Variants in FSHR observed in about 807,000 individuals in gnomAD.
The protein encoded by FSHR is follicle-stimulating hormone receptor.
A neutral mutation model predicts 52.1 loss-of-function variants in FSHR; 46 were observed. That is an observed-to-expected ratio of 0.88 (90% CI 0.70 to 1.13). The LOEUF is 1.13. Ranked by LOEUF, FSHR falls within the 50% of genes most tolerant of loss-of-function variation. The pLI is 0.00. For synonymous variants in FSHR, 399 were observed against 309.6 expected (o/e 1.29, Z -3.03); for missense variants, 964 against 834.6 (o/e 1.16, Z -1.91).
rs138281715 is a variant in FSHR, at chr2:48,963,245, A to G, written c.1576T>C (p.Leu526=). The G allele has an allele frequency of 1.4e-5, 23 of 1,614,058 alleles. No homozygotes were observed. Among genetic ancestry groups the G allele is most frequent in the Admixed American group, 1.0e-4 (6 of 60,002 alleles). ...AGGGACATGACATACAGCTGTGACA[A>G]AGGGCTGTCAATATCCATGGGCAGG... ...ICLPMDIDSP[L]SQLYVMSLLV... The change falls in exon 10 of 10, where the codon TTG becomes CTG. Residue 526 remains leucine (L), a synonymous_variant. Coordinates refer to ENST00000406846, the MANE Select transcript of FSHR (RefSeq NM_000145.4).
chr2:48,974,040 A>C (rs1032520974), intron 8 of FSHR, among the ~76,000 whole-genome samples: 1 of 152,236 alleles, frequency 6.6e-6, no homozygotes, highest in Non-Finnish European at 1.5e-5. Context: ...ATTGTAATAA[A>C]AATGAGAGGC....
intron 1 of FSHR, among the ~76,000 whole-genome samples, chr2:49,104,738 C>T (rs951284926): frequency 7.2e-5 from 11 of 151,980 alleles, no homozygotes; most frequent in East Asian, 1.9e-4. Context: ...TCTCTGATTG[C>T]CATCCTCAAT....
chr2:49,092,164 C>G (rs1444306608), intron 1 of FSHR, among the ~76,000 whole-genome samples: 1 of 152,082 alleles, frequency 6.6e-6, no homozygotes, highest in Non-Finnish European at 1.5e-5. Context: ...TTTTTGGTTT[C>G]TAATTGTTCG....
At chr2:49,139,656 G>C (rs1050933901) in intron 1 of FSHR, among the ~76,000 whole-genome samples, 1 of 149,868 alleles carries the variant, frequency 6.7e-6, no homozygotes, top group African/African-American at 2.5e-5. Flanking sequence ...GGAGTGCAGT[G>C]GCATGATCAC....
chr2:49,148,732 C>T (rs1373013107), intron 1 of FSHR, among the ~76,000 whole-genome samples: 1 of 151,896 alleles, frequency 6.6e-6, no homozygotes, highest in East Asian at 1.9e-4. Context: ...GGCTGAATTT[C>T]AAGAAACAAA....
intron 2 of FSHR, among the ~76,000 whole-genome samples, chr2:49,027,481 C>A (rs949351648): frequency 5.9e-5 from 9 of 152,264 alleles, no homozygotes; most frequent in African/African-American, 1.9e-4. Flanking sequence ...AGTGGTGCAG[C>A]TAGTCTTTGT....
At position 48,968,086 on chromosome 2, in the gene FSHR, A is replaced by G. The variant is rs75660283; in HGVS notation, c.854+612T>C. ...TGTCTATGATTACCTCACTTTTTTA[A>G]CCAGTTAGCTACTAAGACTTGTCTC... On this transcript the variant is annotated intron_variant, in intron 9 of 9. Transcript: ENST00000406846. Among the ~76,000 whole-genome samples the G allele has an allele frequency of 3.1e-3, 474 of 152,178 alleles. 6 individuals are homozygous for G. Among genetic ancestry groups the G allele is most frequent in the African/African-American group, 0.011 (459 of 41,530 alleles).
At position 49,095,505 on chromosome 2, in the gene FSHR, G is replaced by A. The variant is rs538811322; in HGVS notation, c.153-27215C>T. On this transcript the variant is annotated intron_variant, in intron 1 of 9. Coordinates refer to ENST00000406846, the MANE Select transcript of FSHR (RefSeq NM_000145.4). ...ATTGATTAAAGATCAAATTGTAAGA[G>A]CTAAAACTATAAAACTTTTTGAAGA... Among the ~76,000 whole-genome samples the A allele has an allele frequency of 4.7e-4, 71 of 152,260 alleles. 1 individual carries two copies. Among genetic ancestry groups the A allele is most frequent in the East Asian group, 7.7e-4 (4 of 5,186 alleles).
At chr2:49,076,980 A>G (rs1669973880) in intron 1 of FSHR, among the ~76,000 whole-genome samples, 1 of 151,848 alleles carries the variant, frequency 6.6e-6, no homozygotes, top group African/African-American at 2.4e-5. Flanking sequence ...CCTCCCTCCC[A>G]TGTGTCTTCC....
intron 1 of FSHR, among the ~76,000 whole-genome samples, chr2:49,126,854 A>G (rs1672017874): frequency 6.6e-6 from 1 of 152,174 alleles, no homozygotes; most frequent in Non-Finnish European, 1.5e-5. Context: ...AGTTACAGAG[A>G]TGGTTTGCAG....
At position 48,963,971 on chromosome 2, in the gene FSHR, A is replaced by G. The variant is rs1674359520; in HGVS notation, c.855-5T>C. The G allele has an allele frequency of 6.2e-7, 1 of 1,611,026 alleles. No individual in the cohort carries two copies. Among genetic ancestry groups the G allele is most frequent in the Non-Finnish European group, 8.5e-7 (1 of 1,179,488 alleles). Reference sequence around the variant, plus strand: ...CAAATTGGATGAAGCTCAGAGCTAGAAAAATACAAAAAGAAATAGAATCAA... The same window carrying G: ...CAAATTGGATGAAGCTCAGAGCTAGGAAAATACAAAAAGAAATAGAATCAA... On this transcript the variant is annotated splice_region_variant and splice_polypyrimidine_tract_variant and intron_variant, in intron 9 of 9. Coordinates refer to ENST00000406846, the MANE Select transcript of FSHR (RefSeq NM_000145.4).
At chr2:49,124,799 T>C (rs1447025776) in intron 1 of FSHR, among the ~76,000 whole-genome samples, 1 of 152,248 alleles carries the variant, frequency 6.6e-6, no homozygotes, top group African/African-American at 2.4e-5. Context: ...TAGTCAACAG[T>C]AATTTTCTTA....
At chr2:49,038,724 C>T (rs1668383002) in intron 2 of FSHR, among the ~76,000 whole-genome samples, 3 of 150,174 alleles carry the variant, frequency 2.0e-5, no homozygotes, top group Non-Finnish European at 3.0e-5. Context: ...TGAACAAAAA[C>T]GATGTAGAAA....
At chr2:49,073,194 G>A (rs1669811928) in intron 1 of FSHR, among the ~76,000 whole-genome samples, 1 of 151,978 alleles carries the variant, frequency 6.6e-6, no homozygotes, top group Non-Finnish European at 1.5e-5. Flanking sequence ...TAATTATACT[G>A]GAAGCTCTAG....
chr2:49,094,862 T>TA (rs1183744174), intron 1 of FSHR, among the ~76,000 whole-genome samples: 3 of 152,036 alleles, frequency 2.0e-5, no homozygotes, highest in Admixed American at 1.3e-4. Flanking sequence ...GGTGGTTCTT[T>TA]AAAAAATCAT....
chr2:49,088,483 G>A (rs772101175), intron 1 of FSHR, among the ~76,000 whole-genome samples: 1 of 152,134 alleles, frequency 6.6e-6, no homozygotes, highest in African/African-American at 2.4e-5. Flanking sequence ...TCTGCACCCC[G>A]GTTGGGATAA....
At chr2:48,968,279 C>T (rs1449370368) in intron 9 of FSHR, among the ~76,000 whole-genome samples, 1 of 152,272 alleles carries the variant, frequency 6.6e-6, no homozygotes, top group East Asian at 1.9e-4. Context: ...GTACATCAGT[C>T]TCTGGCATGG....
chr2:49,101,917 G>A (rs940804876), intron 1 of FSHR, among the ~76,000 whole-genome samples: 3 of 152,068 alleles, frequency 2.0e-5, no homozygotes, highest in African/African-American at 7.2e-5. Flanking sequence ...GCTAGCTCAG[G>A]TGTCTCTTCC....
chr2:49,085,273 A>T (rs927507236), intron 1 of FSHR, among the ~76,000 whole-genome samples: 6 of 152,272 alleles, frequency 3.9e-5, no homozygotes, highest in Non-Finnish European at 8.8e-5. Flanking sequence ...GATGCAGAAA[A>T]GGCCTTTGAC....
Sources: allele counts gnomAD v4.1 joint callset (sites outside exome capture counted in the v4.1 genomes callset), GRCh38; gene constraint gnomAD v4.1.1; transcripts MANE v1.5; gene names NCBI Gene and HGNC (gene_info 2026-07-23, HGNC 2026-07-21).